ACLY: variants seen among roughly 807,000 people sequenced by gnomAD.
ACLY encodes the protein ATP-citrate synthase.
ACLY carries 41 observed loss-of-function variants against 133.0 expected under a neutral mutation model. The ratio of observed to expected loss-of-function variants is 0.31; its 90% confidence interval spans 0.24 to 0.40. ACLY has a LOEUF of 0.40. ACLY is among the 10% of genes least tolerant of loss of function. The pLI, the probability that ACLY is intolerant of heterozygous loss-of-function variation, is 1.00. For missense variants in ACLY, 1,046 were observed against 1,453.8 expected (o/e 0.72, Z 4.56); for synonymous variants, 495 against 549.3 (o/e 0.90, Z 1.38).
rs532952188 is a variant in ACLY at position 41,884,269 on chromosome 17, G to A, written c.2078C>T (p.Pro693Leu). 1.0e-4 allele frequency: 163 copies of A among 1,607,996 alleles called. 1 individual carries two copies. The South Asian group carries it at 1.0e-3, about 10-fold the overall frequency. Residue 693 changes from proline to leucine, a missense_variant, in exon 19 of 29, where the codon CCG becomes CTG. Coordinates refer to ENST00000352035, the MANE Select transcript of ACLY (RefSeq NM_001096.3). The stretch of plus-strand genomic sequence containing the variant: ...CACATGATCCATGAATGTGGAGCCC[G>A]GGTACCTGTTGAGAGCAGGGAGTAT... The part of the protein sequence containing the change: ...EGVAIGGDRY[P>L]GSTFMDHVLR...
At chr17:41,875,440 CTCTCCCCACGG>C (rs1208235994) in intron 22 of ACLY, among the ~76,000 whole-genome samples, 5 of 151,512 alleles carry the variant, frequency 3.3e-5, no homozygotes, top group African/African-American at 1.2e-4. Context: ...CTCCCTCTCC[CTCTCCCCACGG>C]TCTCCCTCTC....
intron 9 of ACLY, 144 bp from the exon 10 acceptor site, chr17:41,904,934 C>G: frequency 1.4e-6 from 1 of 738,936 alleles, no homozygotes; most frequent in Non-Finnish European, 2.3e-6. Context: ...GTAGGACAGT[C>G]TCTCCAGACA....
At chr17:41,910,375 G>A (rs564707340) in intron 3 of ACLY, 91 bp from the exon 4 acceptor site, 4 of 1,110,358 alleles carry the variant, frequency 3.6e-6, no homozygotes, top group African/African-American at 1.5e-5. Context: ...TGGTGCCCAA[G>A]CACTCCCACC....
At chr17:41,909,733 G>A (rs1555633353) in intron 4 of ACLY, 33 bp from the exon 5 acceptor site, 1 of 1,601,186 alleles carries the variant, frequency 6.2e-7, no homozygotes, top group Non-Finnish European at 8.5e-7. Context: ...AGTGGGATTG[G>A]GGTTGTGGGG....
chr17:41,904,193 GGGGA>G lies in ACLY; in HGVS notation c.1065+532_1065+535del, dbSNP rs1354341501. Among the ~76,000 whole-genome samples the G allele has an allele frequency of 2.5e-5, 3 of 121,820 alleles. No homozygotes were observed. In the East Asian group the frequency reaches 8.2e-4, roughly 33 times the overall value. 79.9% of individuals were successfully genotyped at this position (121,820 alleles called of 152,430 possible). The stretch of plus-strand genomic sequence containing the variant: ...GGGAGGGAGGAAAGGAAGGAAGGGA[GGGGA>G]GGGAGGGAGGAAAGGAAGGGAGGGA... On this transcript the variant is annotated intron_variant, in intron 10 of 28. Transcript: ENST00000352035.
chr17:41,870,126 G>A (rs1360413541), intron 25 of ACLY, among the ~76,000 whole-genome samples: 1 of 152,160 alleles, frequency 6.6e-6, no homozygotes, highest in Non-Finnish European at 1.5e-5. Context: ...ATACCAAATC[G>A]AATACCAAAG....
chr17:41,891,346 C>T (rs549454489), intron 16 of ACLY, among the ~76,000 whole-genome samples: 1 of 152,246 alleles, frequency 6.6e-6, no homozygotes, highest in African/African-American at 2.4e-5. Flanking sequence ...TTATGCATAG[C>T]ACAGAGAGGA....
At chr17:41,906,396 T>TC (rs1268924862) in intron 8 of ACLY, 132 bp downstream of exon 8, 17 of 752,690 alleles carry the variant, frequency 2.3e-5, no homozygotes, top group Non-Finnish European at 3.4e-5. Context: ...CTCGAAGCCC[T>TC]CTGGGATGCC....
At chr17:41,912,996 C>T (rs963302798) in intron 2 of ACLY, among the ~76,000 whole-genome samples, 3 of 152,156 alleles carry the variant, frequency 2.0e-5, no homozygotes, top group African/African-American at 7.2e-5. Flanking sequence ...CTACAACAGG[C>T]CCAATAAGCA....
rs1555632748 is a variant in ACLY at position 41,906,665 on chromosome 17, C to T, written c.748-19G>A. 4.4e-6 allele frequency: 7 copies of T among 1,607,734 alleles called. No homozygotes were observed. The highest frequency in any genetic ancestry group is 5.1e-6 in the Non-Finnish European group (6 of 1,174,162). On this transcript the variant is annotated intron_variant, in intron 7 of 28. Transcript: ENST00000352035. ...AGGCTTCCTGGGGACCAGACAGCAA[C>T]AGGTAGGCCCTTGGGGTACCCCCTT...
chr17:41,879,877 G>C (rs1210207470), intron 20 of ACLY, among the ~76,000 whole-genome samples: 1 of 151,540 alleles, frequency 6.6e-6, no homozygotes, highest in Admixed American at 6.6e-5. Flanking sequence ...CACCACAGGT[G>C]TATGCCTGGC....
intron 1 of ACLY, among the ~76,000 whole-genome samples, chr17:41,915,831 G>A (rs1284622593): frequency 1.3e-5 from 2 of 152,034 alleles, no homozygotes; most frequent in African/African-American, 4.8e-5. Context: ...GTGCAGCCCA[G>A]GGCAGATCAA....
intron 18 of ACLY, 98 bp downstream of exon 18, chr17:41,886,014 G>A: frequency 8.2e-7 from 1 of 1,217,782 alleles, no homozygotes; most frequent in South Asian, 1.3e-5. Flanking sequence ...TGCGGGCCTG[G>A]AACTCAGGGG....
chr17:41,890,693 A>T (rs2049182396), intron 16 of ACLY, among the ~76,000 whole-genome samples: 1 of 151,266 alleles, frequency 6.6e-6, no homozygotes, highest in African/African-American at 2.4e-5. Context: ...TGTCTCAAAA[A>T]AAAAAAATTT....
At chr17:41,884,153 C>T (rs1198693633) in intron 19 of ACLY, 40 bp downstream of exon 19, 3 of 1,257,780 alleles carry the variant, frequency 2.4e-6, no homozygotes, top group Non-Finnish European at 3.5e-6. Context: ...TCATGCATTA[C>T]AGTTTTAAAA....
At chr17:41,887,157 G>T (rs200743808) in intron 17 of ACLY, among the ~76,000 whole-genome samples, 7,566 of 125,618 alleles carry the variant, frequency 0.06, 475 homozygotes, top group Non-Finnish European at 0.089. Context: ...AAAAAAAAAA[G>T]GCCAAACACG....
chr17:41,870,890 G>A (rs1167239412), intron 25 of ACLY, among the ~76,000 whole-genome samples: 2 of 152,214 alleles, frequency 1.3e-5, no homozygotes, highest in African/African-American at 4.8e-5. Context: ...CTGACGTGAG[G>A]CCAGCACATC....
chr17:41,894,699 A>G (rs2049318327), intron 14 of ACLY, among the ~76,000 whole-genome samples: 1 of 152,168 alleles, frequency 6.6e-6, no homozygotes, highest in Non-Finnish European at 1.5e-5. Flanking sequence ...TATTTAAAAA[A>G]AAAAAGAAAA....
At chr17:41,884,793 G>A (rs980065462) in intron 18 of ACLY, among the ~76,000 whole-genome samples, 8 of 152,244 alleles carry the variant, frequency 5.3e-5, no homozygotes, top group South Asian at 4.1e-4. Flanking sequence ...TGGCTGAGAC[G>A]GGAGGATCGC....
Sources: gnomAD v4.1 joint callset for allele counts (sites outside exome capture counted in the v4.1 genomes callset) on GRCh38, gnomAD v4.1.1 for gene constraint, MANE v1.5 for transcripts, NCBI Gene and HGNC (gene_info 2026-07-23, HGNC 2026-07-21) for gene names.